The following HS2ST1 variants were observed in gnomAD, a reference collection of about 807,000 sequenced individuals.
The protein encoded by HS2ST1 is heparan sulfate 2-O-sulfotransferase 1.
In HS2ST1, 18 loss-of-function variants were observed where a neutral mutation model predicts 42.9. The observed-to-expected ratio is 0.42, with a 90% confidence interval of 0.29 to 0.62. HS2ST1 has a LOEUF of 0.62. Ranked by LOEUF, HS2ST1 falls within the 20% of genes least tolerant of loss-of-function variation. The pLI, the probability that HS2ST1 is intolerant of heterozygous loss-of-function variation, is 0.21. For synonymous variants in HS2ST1, 146 were observed against 152.9 expected, an observed-to-expected ratio of 0.95 and a Z score of 0.33; for missense variants, 334 against 433.8, an observed-to-expected ratio of 0.77 and a Z score of 2.04.
chr1:87,018,158 A>ACACACG (rs1189905452), intron 1 of HS2ST1, among the ~76,000 whole-genome samples: 13 of 149,590 alleles, frequency 8.7e-5, no homozygotes, highest in African/African-American at 3.2e-4. Flanking sequence ...ACACACACAC[A>ACACACG]CACACAGACA....
intron 1 of HS2ST1, among the ~76,000 whole-genome samples, chr1:87,063,485 C>T (rs775242693): frequency 1.3e-5 from 2 of 152,064 alleles, no homozygotes. Context: ...TACAGGCATG[C>T]ACCACCACGC....
intron 1 of HS2ST1, among the ~76,000 whole-genome samples, chr1:86,971,858 C>G (rs184925662): frequency 6.6e-6 from 1 of 152,180 alleles, no homozygotes; most frequent in East Asian, 1.9e-4. Flanking sequence ...CAAAAGTATT[C>G]TGATCTCAGA....
At chr1:87,019,301 A>AAAG (rs1441108195) in intron 1 of HS2ST1, among the ~76,000 whole-genome samples, 1 of 152,204 alleles carries the variant, frequency 6.6e-6, no homozygotes, top group Admixed American at 6.5e-5. Flanking sequence ...TTCAAACGGT[A>AAAG]TTCCTTAATA....
In HS2ST1 at chr1:86,917,534, A is replaced by G. The variant is rs1028190227; in HGVS notation, c.124+2374A>G. 2.0e-5 allele frequency among the ~76,000 whole-genome samples: 3 copies of G among 151,100 alleles called. No individual in the cohort carries two copies. In the East Asian group the frequency reaches 5.8e-4, roughly 29 times the overall value. On this transcript the variant is annotated intron_variant, in intron 1 of 6. Coordinates refer to ENST00000370550, the MANE Select transcript of HS2ST1 (RefSeq NM_012262.4). Reference sequence around the variant, plus strand: ...ACTCAGTCTCAAAAAAAAAAAAACCAAAGAACAACAGAAAGCCATTTTTGC... The same window carrying G: ...ACTCAGTCTCAAAAAAAAAAAAACCGAAGAACAACAGAAAGCCATTTTTGC...
At chr1:86,918,769 G>C (rs1570420152) in intron 1 of HS2ST1, among the ~76,000 whole-genome samples, 1 of 151,842 alleles carries the variant, frequency 6.6e-6, no homozygotes, top group East Asian at 1.9e-4. Context: ...TTTAATTTTT[G>C]CCAGTGTGAA....
At chr1:86,939,202 T>C (rs2102173604) in intron 1 of HS2ST1, among the ~76,000 whole-genome samples, 2 of 152,332 alleles carry the variant, frequency 1.3e-5, no homozygotes, top group African/African-American at 4.8e-5. Context: ...GAGTTAAATA[T>C]AAGTCCTGAA....
chr1:87,041,254 A>G (rs1038177944), intron 1 of HS2ST1, among the ~76,000 whole-genome samples: 17 of 106,144 alleles, frequency 1.6e-4, no homozygotes, highest in Non-Finnish European at 3.0e-4. Flanking sequence ...AAAAAAAAAA[A>G]GTGTGCACCT....
At chr1:86,925,759 A>G (rs1660404692) in intron 1 of HS2ST1, among the ~76,000 whole-genome samples, 2 of 152,188 alleles carry the variant, frequency 1.3e-5, no homozygotes, top group Non-Finnish European at 1.5e-5. Context: ...ACCATATCAC[A>G]TGCTTTTCCT....
chr1:87,028,543 A>G (rs1650146946), intron 1 of HS2ST1, among the ~76,000 whole-genome samples: 1 of 152,202 alleles, frequency 6.6e-6, no homozygotes, highest in Admixed American at 6.5e-5. Context: ...GTTTTCCCAC[A>G]TGAGACTGAC....
At chr1:87,001,739 G>C (rs1243321483) in intron 1 of HS2ST1, among the ~76,000 whole-genome samples, 1 of 151,990 alleles carries the variant, frequency 6.6e-6, no homozygotes, top group Non-Finnish European at 1.5e-5. Flanking sequence ...TCAGCCTCCC[G>C]AGTAGCTGGG....
At chr1:87,030,609 G>C (rs1650210205) in intron 1 of HS2ST1, among the ~76,000 whole-genome samples, 2 of 152,098 alleles carry the variant, frequency 1.3e-5, no homozygotes, top group South Asian at 4.1e-4. Flanking sequence ...CAGAGTATTT[G>C]ACTTAGTAAT....
chr1:86,981,581 A>G (rs1027152810), intron 1 of HS2ST1, among the ~76,000 whole-genome samples: 1 of 152,240 alleles, frequency 6.6e-6, no homozygotes, highest in Non-Finnish European at 1.5e-5. Context: ...GGCTCCATGC[A>G]AGTCAGAAAC....
chr1:87,098,807 AATCTCACTCT>A (rs779363062), intron 5 of HS2ST1, among the ~76,000 whole-genome samples: 21 of 152,170 alleles, frequency 1.4e-4, no homozygotes, highest in Non-Finnish European at 2.4e-4. Context: ...TTTGAGACAG[AATCTCACTCT>A]ATCACACAAG....
chr1:87,049,662 A>C (rs1650784472), intron 1 of HS2ST1, among the ~76,000 whole-genome samples: 1 of 151,974 alleles, frequency 6.6e-6, no homozygotes, highest in Non-Finnish European at 1.5e-5. Context: ...AATATTTTGA[A>C]CCTTGTTTTA....
chr1:86,964,268 T>G (rs1272324370), intron 1 of HS2ST1, among the ~76,000 whole-genome samples: 1 of 152,018 alleles, frequency 6.6e-6, no homozygotes, highest in African/African-American at 2.4e-5. Flanking sequence ...TCTCGGCACT[T>G]TGGGAGGCCA....
At position 87,101,824 on chromosome 1, in the gene HS2ST1, C is replaced by A. The variant is rs529554344; in HGVS notation, c.687-1608C>A. 3.9e-5 allele frequency among the ~76,000 whole-genome samples: 6 copies of A among 152,222 alleles called. No individual in the cohort carries two copies. The South Asian group carries it at 1.0e-3, about 26-fold the overall frequency. On this transcript the variant is annotated intron_variant, in intron 5 of 6. Coordinates refer to ENST00000370550, the MANE Select transcript of HS2ST1 (RefSeq NM_012262.4). ...CTTAGTACCAATTTTCTCTATTAGG[C>A]CATTCTTACATTACTGTGAAGGAAT...
chr1:87,080,656 A>G (rs555829578), intron 2 of HS2ST1, among the ~76,000 whole-genome samples: 1 of 152,324 alleles, frequency 6.6e-6, no homozygotes, highest in African/African-American at 2.4e-5. Flanking sequence ...TATTAAGGAA[A>G]GAGGCACTGA....
intron 1 of HS2ST1, among the ~76,000 whole-genome samples, chr1:86,985,453 C>T (rs1225807330): frequency 3.2e-5 from 2 of 61,614 alleles, no homozygotes; most frequent in Non-Finnish European, 7.2e-5. Context: ...CACATATATA[C>T]ACACATATAT....
chr1:87,102,455 C>T (rs879579329), intron 5 of HS2ST1, among the ~76,000 whole-genome samples: 10 of 152,174 alleles, frequency 6.6e-5, no homozygotes, highest in African/African-American at 1.2e-4. Flanking sequence ...AAGGGACCTG[C>T]TCCCATGATC....
Sources: allele counts gnomAD v4.1 joint callset (sites outside exome capture counted in the v4.1 genomes callset), GRCh38; gene constraint gnomAD v4.1.1; transcripts MANE v1.5; gene names NCBI Gene and HGNC (gene_info 2026-07-23, HGNC 2026-07-21).